The following GATB variants were observed in gnomAD, a reference collection of about 807,000 sequenced individuals.
GATB encodes glutamyl-tRNA amidotransferase subunit B, also known as glutamyl-tRNA(Gln) amidotransferase subunit B, mitochondrial.
Under a neutral mutation model 62.3 loss-of-function variants are expected in GATB, and 39 were observed. That is an observed-to-expected ratio of 0.63 (90% CI 0.48 to 0.82). The LOEUF (loss-of-function observed/expected upper bound fraction) is 0.82. Among genes scored for constraint, GATB ranks in the 40% least tolerant of loss-of-function variants. GATB has a pLI of 0.00. For missense variants in GATB, 670 were observed against 684.0 expected (o/e 0.98, Z 0.23); for synonymous variants, 276 against 258.9 (o/e 1.07, Z -0.63).
chr4:151,695,857 G>A (rs896985047), intron 9 of GATB, among the ~76,000 whole-genome samples: 4 of 151,728 alleles, frequency 2.6e-5, no homozygotes, highest in Non-Finnish European at 4.4e-5. Flanking sequence ...TTCTGGGCTC[G>A]AGCAATTCTC....
At chr4:151,717,481 T>C (rs866904677) in intron 3 of GATB, 37 of 195,746 alleles carry the variant, frequency 1.9e-4, no homozygotes, top group Admixed American at 3.9e-4. Context: ...CCCTCCTTAT[T>C]TGGAATGCTG....
At chr4:151,731,687 C>T (rs1253126810) in intron 2 of GATB, among the ~76,000 whole-genome samples, 4 of 151,604 alleles carry the variant, frequency 2.6e-5, no homozygotes, top group African/African-American at 7.3e-5. Context: ...TCTGCCCGGC[C>T]GCCCATCGTC....
At chr4:151,744,200 A>C (rs28407701) in intron 2 of GATB, among the ~76,000 whole-genome samples, 1 of 152,212 alleles carries the variant, frequency 6.6e-6, no homozygotes, top group African/African-American at 2.4e-5. Flanking sequence ...AAAATAGCTA[A>C]AGGGTTTTAG....
At chr4:151,713,081 G>C (rs1014872018) in intron 5 of GATB, among the ~76,000 whole-genome samples, 1 of 152,006 alleles carries the variant, frequency 6.6e-6, no homozygotes, top group African/African-American at 2.4e-5. Flanking sequence ...ATTGTGAACT[G>C]TGCATGAGAG....
intron 2 of GATB, among the ~76,000 whole-genome samples, chr4:151,750,549 A>G (rs1485119017): frequency 1.3e-5 from 2 of 152,180 alleles, no homozygotes; most frequent in Non-Finnish European, 2.9e-5. Context: ...GATAACTGAG[A>G]TAAGTTACAA....
At chr4:151,682,403 C>CA (rs1193014706) in intron 10 of GATB, among the ~76,000 whole-genome samples, 2 of 152,200 alleles carry the variant, frequency 1.3e-5, no homozygotes, top group African/African-American at 4.8e-5. Context: ...TCAGACTCGA[C>CA]ACGCAATGGC....
In GATB at chr4:151,717,049, C is replaced by T. The variant is rs1351795847; in HGVS notation, c.467G>A (p.Arg156Lys). 1 of 1,614,134 alleles carries T rather than the reference C, an allele frequency of 6.2e-7. No homozygotes were observed. The highest frequency in any genetic ancestry group is 8.5e-7 in the Non-Finnish European group (1 of 1,180,032). The change falls in exon 4 of 13, where the codon AGG (arginine) becomes AAG (lysine). Residue 156 changes from arginine to lysine, a missense_variant. Physicochemically the swap from Arg to Lys is conservative, Grantham distance 26 (BLOSUM62 2). Transcript: ENST00000263985. ...LPAGYQITQQ[R>K]LPIAVNGSLI... ...GCTCCCATTCACAGCAATTGGGAGC[C>T]TCTGCTGGGTAATTTGGTAGCCTGC...
chr4:151,746,970 C>G (rs1379906496), intron 2 of GATB, among the ~76,000 whole-genome samples: 1 of 152,114 alleles, frequency 6.6e-6, no homozygotes, highest in Non-Finnish European at 1.5e-5. Context: ...TAGTTTAAAG[C>G]CATGTGACAC....
chr4:151,711,866 T>C (rs762630483), intron 5 of GATB, among the ~76,000 whole-genome samples: 10 of 152,186 alleles, frequency 6.6e-5, no homozygotes, highest in Non-Finnish European at 1.0e-4. Flanking sequence ...GTAAGCAGAC[T>C]GGTTTCTGTC....
rs1036092694 is a variant in GATB, at chr4:151,760,957, C to A, written c.26G>T (p.Gly9Val). 1.1e-5 allele frequency: 18 copies of A among 1,612,594 alleles called. No homozygotes were observed. Among genetic ancestry groups the A allele is most frequent in the Non-Finnish European group, 1.5e-5 (18 of 1,179,606 alleles). Residue 9 changes from glycine (G) to valine (V), a missense_variant, in exon 1 of 13, where the codon GGC (glycine) becomes GTC (valine). Transcript: ENST00000263985. ...GAAAGCCCAACGTCTTCCACGGCAGCCCCAGCGCAGCATGGGCGCCGCCAT... is the reference window on the plus strand; with the variant it reads ...GAAAGCCCAACGTCTTCCACGGCAGACCCAGCGCAGCATGGGCGCCGCCAT... MAAPMLRW[G>V]CRGRRWAFAR...
At chr4:151,680,742 A>T (rs1392561932) in intron 10 of GATB, among the ~76,000 whole-genome samples, 2 of 152,196 alleles carry the variant, frequency 1.3e-5, no homozygotes, top group Non-Finnish European at 2.9e-5. Flanking sequence ...CCAATTTTGG[A>T]TATTTTTGGA....
intron 11 of GATB, 36 bp from the exon 12 acceptor site, chr4:151,672,932 G>T (rs753825542): frequency 3.7e-5 from 60 of 1,610,484 alleles, no homozygotes; most frequent in Non-Finnish European, 5.0e-5. Context: ...AGAGAAATGA[G>T]AAGTCAGCTC....
At chr4:151,693,025 G>T (rs1738397477) in intron 9 of GATB, among the ~76,000 whole-genome samples, 1 of 152,220 alleles carries the variant, frequency 6.6e-6, no homozygotes, top group South Asian at 2.1e-4. Context: ...TGCGGCGGGG[G>T]TGCTGGGGTG....
chr4:151,681,578 C>A (rs1165210087), intron 10 of GATB, among the ~76,000 whole-genome samples: 1 of 152,088 alleles, frequency 6.6e-6, no homozygotes, highest in African/African-American at 2.4e-5. Context: ...TGTGCAGAAC[C>A]CATAAGAAGC....
At chr4:151,672,487 G>C (rs540910047) in intron 12 of GATB, 3 of 377,310 alleles carry the variant, frequency 8.0e-6, no homozygotes, top group East Asian at 4.2e-5. Flanking sequence ...CTTGGATTTC[G>C]TGAGCTTGCT....
intron 2 of GATB, chr4:151,719,878 C>T (rs888955162): frequency 5.3e-6 from 1 of 189,362 alleles, no homozygotes; most frequent in Non-Finnish European, 1.1e-5. Context: ...TAATCTCACT[C>T]CCTCTACAAA....
chr4:151,754,918 T>C (rs765197065), intron 2 of GATB, among the ~76,000 whole-genome samples: 1 of 152,236 alleles, frequency 6.6e-6, no homozygotes, highest in Non-Finnish European at 1.5e-5. Flanking sequence ...AAGTGACCAA[T>C]TGTTATGTGT....
At chr4:151,695,786 C>G (rs1250432265) in intron 9 of GATB, among the ~76,000 whole-genome samples, 1 of 152,120 alleles carries the variant, frequency 6.6e-6, no homozygotes, top group Non-Finnish European at 1.5e-5. Flanking sequence ...GAGACAGGGT[C>G]TCTCTCTGTT....
chr4:151,739,252 T>C (rs1739436835), intron 2 of GATB, among the ~76,000 whole-genome samples: 1 of 152,188 alleles, frequency 6.6e-6, no homozygotes, highest in Non-Finnish European at 1.5e-5. Flanking sequence ...CTTATTATAA[T>C]GATGTACCCA....
Sources: allele counts gnomAD v4.1 joint callset (sites outside exome capture counted in the v4.1 genomes callset), GRCh38; gene constraint gnomAD v4.1.1; transcripts MANE v1.5; gene names NCBI Gene and HGNC (gene_info 2026-07-23, HGNC 2026-07-21).